Variants in UPF2 observed in about 807,000 individuals in gnomAD.
The protein encoded by UPF2 is regulator of nonsense transcripts 2.
Under a neutral mutation model 141.4 loss-of-function variants are expected in UPF2, and 17 were observed. The observed-to-expected ratio is 0.12, with a 90% CI of 0.08 to 0.18. The LOEUF (loss-of-function observed/expected upper bound fraction) is 0.18, where lower values mean the gene tolerates loss of function less well. UPF2 is among the 10% of genes least tolerant of loss of function. The pLI, the probability that UPF2 is intolerant of heterozygous loss-of-function variation, is 1.00. For synonymous variants in UPF2, 540 were observed against 498.0 expected, an observed-to-expected ratio of 1.08 and a Z score of -1.12; for missense variants, 1,152 against 1,515.9, an observed-to-expected ratio of 0.76 and a Z score of 3.99.
chr10:12,039,539 G>A (rs188677432), intron 1 of UPF2, among the ~76,000 whole-genome samples: 6 of 152,054 alleles, frequency 3.9e-5, no homozygotes, highest in Admixed American at 3.3e-4. Flanking sequence ...TTTCTGATGT[G>A]ACGCATCAAC....
chr10:11,946,834 C>T (rs1833006601), intron 16 of UPF2, among the ~76,000 whole-genome samples: 1 of 152,156 alleles, frequency 6.6e-6, no homozygotes, highest in South Asian at 2.1e-4. Flanking sequence ...CCCACCTCAG[C>T]CTCCCGAGTA....
intron 3 of UPF2, among the ~76,000 whole-genome samples, chr10:12,026,839 G>A (rs2131304237): frequency 6.6e-6 from 1 of 152,036 alleles, no homozygotes; most frequent in African/African-American, 2.4e-5. Flanking sequence ...TTTTAGTAGA[G>A]ACGGGGTTTC....
At chr10:12,025,056 T>C (rs528462581) in intron 3 of UPF2, among the ~76,000 whole-genome samples, 2 of 149,806 alleles carry the variant, frequency 1.3e-5, no homozygotes, top group South Asian at 2.1e-4. Flanking sequence ...ATTAGGCCAA[T>C]AGGGATTGTG....
In UPF2 at chr10:12,014,477, C is replaced by T. The variant is rs749206791; in HGVS notation, c.1146-293G>A. Among the ~76,000 whole-genome samples the T allele has an allele frequency of 1.3e-5, 2 of 152,100 alleles. No individual in the cohort carries two copies. The highest frequency in any genetic ancestry group is 2.4e-5 in the African/African-American group (1 of 41,406). On this transcript the variant is annotated intron_variant, in intron 3 of 21. Transcript: ENST00000357604. The surrounding 1 kb of genome is among the most constrained non-coding windows in gnomAD (Gnocchi z 5.0). ...TTTTAAATTATTCAGTATTTTATTA[C>T]AGTCACACTCTTCTCAGATATAGAG...
Position 11,955,603 on chromosome 10 carries a change from T to G in UPF2, c.2575-96A>C, listed in dbSNP as rs888635669. 3.3e-6 allele frequency: 4 copies of G among 1,195,490 alleles called. 1 individual carries two copies. The South Asian group carries it at 6.4e-5, about 19-fold the overall frequency. 74.1% of individuals were successfully genotyped at this position (1,195,490 alleles called of 1,614,324 possible). ...TCTGTAACTTGAAAATATCTATTAC[T>G]GAAAGAACACTGAATAGAGAAATGA... On this transcript the variant is annotated intron_variant, in intron 13 of 21. Transcript: ENST00000357604.
chr10:12,032,567 G>A (rs1328484039), intron 2 of UPF2, among the ~76,000 whole-genome samples: 19 of 151,744 alleles, frequency 1.3e-4, no homozygotes, highest in Admixed American at 3.9e-4. Context: ...GCAAAACCCC[G>A]TCTCTACAAA....
At chr10:11,929,638 C>T (rs867712492) in intron 21 of UPF2, among the ~76,000 whole-genome samples, 3 of 152,026 alleles carry the variant, frequency 2.0e-5, no homozygotes, top group Non-Finnish European at 4.4e-5. Flanking sequence ...AAGACCTTGT[C>T]TCAAAAAATA....
intron 2 of UPF2, among the ~76,000 whole-genome samples, chr10:12,032,945 T>C (rs954275513): frequency 2.7e-5 from 4 of 146,752 alleles, no homozygotes; most frequent in Non-Finnish European, 4.5e-5. Context: ...TACGTTATGA[T>C]GGAACCTGAG....
intron 1 of UPF2, among the ~76,000 whole-genome samples, chr10:12,038,317 T>G (rs1235379325): frequency 1.3e-5 from 2 of 148,340 alleles, no homozygotes; most frequent in African/African-American, 5.0e-5. Flanking sequence ...AAAGCAGAGG[T>G]TGCAGTGAGC....
At chr10:11,925,214 C>T (rs1181084130) in intron 21 of UPF2, among the ~76,000 whole-genome samples, 1 of 152,168 alleles carries the variant, frequency 6.6e-6, no homozygotes, top group East Asian at 1.9e-4. Context: ...GTTTATCGCA[C>T]CTATACTTTA....
chr10:11,963,268 T>G (rs1467548015), intron 11 of UPF2, among the ~76,000 whole-genome samples: 1 of 152,250 alleles, frequency 6.6e-6, no homozygotes, highest in African/African-American at 2.4e-5. Context: ...GTGAACCACT[T>G]TGAAGATGGT....
chr10:11,995,226 G>C (rs1215831594), intron 8 of UPF2, among the ~76,000 whole-genome samples: 1 of 152,126 alleles, frequency 6.6e-6, no homozygotes, highest in Non-Finnish European at 1.5e-5. Flanking sequence ...GATAAAAGCA[G>C]AAAGCAGTGG....
rs151289031 is a variant in UPF2 at position 11,954,048 on chromosome 10, C to T, written c.2850+1184G>A. Among the ~76,000 whole-genome samples, 236 of 152,180 alleles carry T rather than the reference C, an allele frequency of 1.6e-3. 1 individual carries two copies. The highest frequency in any genetic ancestry group is 5.2e-3 in the African/African-American group (218 of 41,526). On this transcript the variant is annotated intron_variant, in intron 14 of 21. Transcript: ENST00000357604. ...AAGCACTTGATAGTGAGTTGTTCACCCTAATTGGCACTTAGAAAATTGTAT... is the reference window on the plus strand; with the variant it reads ...AAGCACTTGATAGTGAGTTGTTCACTCTAATTGGCACTTAGAAAATTGTAT...
chr10:12,006,386 T>C (rs983015102), intron 4 of UPF2, among the ~76,000 whole-genome samples: 5 of 152,228 alleles, frequency 3.3e-5, no homozygotes, highest in Admixed American at 6.5e-5. Flanking sequence ...CATGAACTTA[T>C]CTACTCTCAC....
chr10:12,020,952 C>T (rs1834307286), intron 3 of UPF2, among the ~76,000 whole-genome samples: 1 of 152,204 alleles, frequency 6.6e-6, no homozygotes, highest in Admixed American at 6.5e-5. Flanking sequence ...GCCTTCACCA[C>T]AGAACTGTTT....
In UPF2 at chr10:11,945,746, A is replaced by C. The variant is rs540675890; in HGVS notation, c.3175-2578T>G. Among the ~76,000 whole-genome samples the C allele has an allele frequency of 3.3e-5, 5 of 152,344 alleles. No homozygotes were observed. In the South Asian group the frequency reaches 1.0e-3, roughly 32 times the overall value. On this transcript the variant is annotated intron_variant, in intron 16 of 21. Transcript: ENST00000357604. ...GAACTCTTCAAATGAGAAATTAATA[A>C]GAAAATGAGCCCTCCTCAATATCAT... is the stretch of plus-strand genomic sequence containing the variant.
chr10:11,969,532 T>C (rs1044058631), intron 9 of UPF2, among the ~76,000 whole-genome samples: 4 of 152,072 alleles, frequency 2.6e-5, no homozygotes, highest in Non-Finnish European at 5.9e-5. Flanking sequence ...GCGACAAATA[T>C]AAAATAGAAT....
intron 3 of UPF2, among the ~76,000 whole-genome samples, chr10:12,026,452 G>A (rs1394335255): frequency 6.6e-6 from 1 of 152,110 alleles, no homozygotes; most frequent in African/African-American, 2.4e-5. Flanking sequence ...ATTTAACATG[G>A]AGACGAGAAA....
intron 16 of UPF2, among the ~76,000 whole-genome samples, chr10:11,945,459 G>A (rs890894885): frequency 4.6e-5 from 7 of 151,928 alleles, no homozygotes; most frequent in Non-Finnish European, 7.4e-5. Context: ...CTGGTCTTGG[G>A]GTGAAAGGAG....
Sources: allele counts gnomAD v4.1 joint callset (sites outside exome capture counted in the v4.1 genomes callset), GRCh38; gene constraint gnomAD v4.1.1; non-coding constraint Gnocchi (gnomAD v3.1); transcripts MANE v1.5; gene names NCBI Gene and HGNC (gene_info 2026-07-23, HGNC 2026-07-21).